ITPR2: variants seen among roughly 807,000 people sequenced by gnomAD.
ITPR2 encodes the protein inositol 1,4,5-trisphosphate-gated calcium channel ITPR2.
ITPR2 carries 207 observed loss-of-function variants against 317.1 expected under a neutral mutation model. The observed-to-expected ratio is 0.65, with a 90% CI of 0.58 to 0.73. The LOEUF is 0.73. ITPR2 is among the 30% of genes least tolerant of loss of function. The probability of loss-of-function intolerance (pLI) is 0.00; values close to 1 mark genes in which losing one functional copy is unlikely to be tolerated. For synonymous variants in ITPR2, 1,156 were observed against 1,149.1 expected (o/e 1.01, Z -0.12); for missense variants, 2,613 against 3,284.0 (o/e 0.80, Z 4.99).
At chr12:26,743,455 G>C (rs1254647396) in intron 2 of ITPR2, among the ~76,000 whole-genome samples, 1 of 152,110 alleles carries the variant, frequency 6.6e-6, no homozygotes, top group Non-Finnish European at 1.5e-5. Context: ...ATGTATTTCA[G>C]CAGATATTTT....
At chr12:26,713,107 C>T (rs1479938091) in intron 8 of ITPR2, among the ~76,000 whole-genome samples, 2 of 152,168 alleles carry the variant, frequency 1.3e-5, no homozygotes, top group East Asian at 3.9e-4. Context: ...GACTAGTGCC[C>T]GCTCCTACAA....
chr12:26,646,515 C>T (rs796511511), intron 21 of ITPR2, among the ~76,000 whole-genome samples: 9 of 152,296 alleles, frequency 5.9e-5, no homozygotes, highest in African/African-American at 2.2e-4. Context: ...TTGACATCCT[C>T]TTACTTTGTT....
intron 37 of ITPR2, among the ~76,000 whole-genome samples, chr12:26,529,729 A>G (rs1399589560): frequency 1.3e-5 from 2 of 152,200 alleles, no homozygotes; most frequent in African/African-American, 4.8e-5. Context: ...GAATGTGAGG[A>G]TTAAATCTCC....
intron 45 of ITPR2, among the ~76,000 whole-genome samples, chr12:26,474,286 A>G: frequency 6.6e-6 from 1 of 152,246 alleles, no homozygotes; most frequent in Non-Finnish European, 1.5e-5. Context: ...AAGATAGAGC[A>G]AGTCTCTAAA....
chr12:26,832,806 GTCCCTCTTCT>G lies in ITPR2; in HGVS notation c.-35_-26del. On this transcript the variant is annotated 5_prime_UTR_variant, in exon 1 of 57. Transcript: ENST00000381340. ...TGCTGCTTCATGTTCCACAGTGGAC[GTCCCTCTTCT>G]TCCCTGCGCCCTCGCCGCCCTCTCT... is the stretch of plus-strand genomic sequence containing the variant. 6.4e-7 allele frequency: 1 copy of G among 1,554,032 alleles called. No individual in the cohort carries two copies. Among genetic ancestry groups the G allele is most frequent in the South Asian group, 1.1e-5 (1 of 88,408 alleles).
intron 45 of ITPR2, among the ~76,000 whole-genome samples, chr12:26,453,501 C>A (rs1158454269): frequency 6.6e-5 from 10 of 152,080 alleles, no homozygotes; most frequent in Non-Finnish European, 1.3e-4. Context: ...ATAAGAAAAA[C>A]ATAGAAACTG....
chr12:26,473,075 TGA>T (rs1942332701), intron 45 of ITPR2, among the ~76,000 whole-genome samples: 1 of 152,082 alleles, frequency 6.6e-6, no homozygotes, highest in African/African-American at 2.4e-5. Flanking sequence ...TTAGTACAGA[TGA>T]GGTTTCACCA....
intron 53 of ITPR2, 26 bp downstream of exon 53, chr12:26,400,102 G>GA (rs973328038): frequency 1.9e-6 from 3 of 1,576,918 alleles, no homozygotes; most frequent in Admixed American, 1.9e-5. Context: ...TGTGCTCCTT[G>GA]AAAAAATACT....
intron 32 of ITPR2, among the ~76,000 whole-genome samples, chr12:26,588,721 A>C (rs1376172914): frequency 1.3e-5 from 2 of 152,192 alleles, no homozygotes; most frequent in Non-Finnish European, 2.9e-5. Flanking sequence ...CAATTATATC[A>C]AAAAAATGGC....
At chr12:26,597,276 G>T in intron 30 of ITPR2, 142 bp from the exon 31 acceptor site, 1 of 965,630 alleles carries the variant, frequency 1.0e-6, no homozygotes, top group South Asian at 1.5e-5. Flanking sequence ...TATGCTTGGG[G>T]AGGGTGGTGA....
At chr12:26,741,844 A>T (rs1156545414) in intron 2 of ITPR2, among the ~76,000 whole-genome samples, 1 of 152,246 alleles carries the variant, frequency 6.6e-6, no homozygotes, top group Non-Finnish European at 1.5e-5. Context: ...CAAGCCAGTA[A>T]CTAAACGAAC....
chr12:26,581,975 C>T (rs1945414683), intron 32 of ITPR2, among the ~76,000 whole-genome samples: 2 of 152,148 alleles, frequency 1.3e-5, no homozygotes, highest in South Asian at 2.1e-4. Flanking sequence ...AAAAACCACC[C>T]AGAAATTTGC....
At position 26,795,911 on chromosome 12, in the gene ITPR2, G is replaced by C. The variant is rs577030717; in HGVS notation, c.93-5684C>G. ...AGGCGGGAGAATCGCTTAAACCCAGGAGGCAGAGGTTGCAGTGAGCCCAGA... is the reference window on the plus strand; with the variant it reads ...AGGCGGGAGAATCGCTTAAACCCAGCAGGCAGAGGTTGCAGTGAGCCCAGA... On this transcript the variant is annotated intron_variant, in intron 1 of 56. Transcript: ENST00000381340. Among the ~76,000 whole-genome samples, 3 of 151,340 alleles carry C rather than the reference G, an allele frequency of 2.0e-5. No homozygotes were observed. The South Asian group carries it at 6.3e-4, about 32-fold the overall frequency.
At chr12:26,589,851 T>TACACACAC (rs1166855137) in intron 32 of ITPR2, among the ~76,000 whole-genome samples, 32 of 49,312 alleles carry the variant, frequency 6.5e-4, no homozygotes, top group East Asian at 4.9e-3. Context: ...TATATATATA[T>TACACACAC]ATACACACAC....
intron 37 of ITPR2, among the ~76,000 whole-genome samples, chr12:26,498,151 T>C (rs567264596): frequency 2.2e-4 from 33 of 152,364 alleles, no homozygotes; most frequent in South Asian, 8.3e-4. Flanking sequence ...TTGCTTCCTA[T>C]TTCATGTTTT....
chr12:26,531,297 C>T (rs528149950), intron 37 of ITPR2, among the ~76,000 whole-genome samples: 2 of 152,280 alleles, frequency 1.3e-5, no homozygotes, highest in South Asian at 4.1e-4. Context: ...CTGAGGGTAA[C>T]AGCAGTGAAC....
intron 55 of ITPR2, among the ~76,000 whole-genome samples, chr12:26,364,110 A>C (rs1319684834): frequency 2.0e-5 from 3 of 152,182 alleles, no homozygotes; most frequent in Non-Finnish European, 4.4e-5. Flanking sequence ...CATAATAATA[A>C]CACCACACTA....
At chr12:26,576,369 CTCTT>C (rs1341339379) in intron 34 of ITPR2, among the ~76,000 whole-genome samples, 16 of 152,178 alleles carry the variant, frequency 1.1e-4, no homozygotes, top group Admixed American at 6.5e-4. Flanking sequence ...AAATTACGTT[CTCTT>C]TCTTTATTTC....
intron 32 of ITPR2, among the ~76,000 whole-genome samples, chr12:26,587,910 T>C (rs1450547797): frequency 2.0e-5 from 3 of 152,146 alleles, no homozygotes; most frequent in Non-Finnish European, 4.4e-5. Context: ...GATGGGAGTG[T>C]TCAGGAGTAG....
Sources: gnomAD v4.1 joint callset for allele counts (sites outside exome capture counted in the v4.1 genomes callset) on GRCh38, gnomAD v4.1.1 for gene constraint, MANE v1.5 for transcripts, NCBI Gene and HGNC (gene_info 2026-07-23, HGNC 2026-07-21) for gene names.